Variants in KCNG4 observed in about 807,000 individuals in gnomAD.
KCNG4 encodes the protein potassium voltage-gated channel modifier subfamily G member 4, also known as voltage-gated potassium channel regulatory subunit KCNG4.
In KCNG4, 30 loss-of-function variants were observed where a neutral mutation model predicts 28.2. The ratio of observed to expected loss-of-function variants is 1.06; its 90% CI spans 0.80 to 1.44. The LOEUF is 1.44. Ranked by LOEUF, KCNG4 falls within the 40% of genes most tolerant of loss-of-function variation. The pLI, the probability that KCNG4 is intolerant of heterozygous loss-of-function variation, is 0.00. For missense variants in KCNG4, 879 were observed against 712.3 expected, an observed-to-expected ratio of 1.23 and a Z score of -2.66; for synonymous variants, 375 against 315.5, an observed-to-expected ratio of 1.19 and a Z score of -2.00.
intron 1 of KCNG4, among the ~76,000 whole-genome samples, chr16:84,238,572 A>C (rs376722591): frequency 6.6e-6 from 1 of 152,126 alleles, no homozygotes; most frequent in East Asian, 1.9e-4. Context: ...GCAGGCTTTT[A>C]TGTGCAGAAT....
At chr16:84,228,753 T>C (rs951448739) in intron 2 of KCNG4, among the ~76,000 whole-genome samples, 2 of 152,196 alleles carry the variant, frequency 1.3e-5, no homozygotes, top group East Asian at 3.9e-4. Flanking sequence ...CGTCTTCCCT[T>C]CTGTGAAGTG....
chr16:84,223,649 CA>C (rs1904631314), intron 2 of KCNG4, among the ~76,000 whole-genome samples: 1 of 152,046 alleles, frequency 6.6e-6, no homozygotes, highest in African/African-American at 2.4e-5. Flanking sequence ...TTTGATGGCC[CA>C]GGAAGTTGGT....
intron 2 of KCNG4, among the ~76,000 whole-genome samples, chr16:84,235,224 C>A (rs1049348876): frequency 1.3e-5 from 2 of 152,294 alleles, no homozygotes; most frequent in African/African-American, 4.8e-5. Flanking sequence ...CAACCGAAAT[C>A]CTGGCTCCTA....
At chr16:84,224,900 G>A (rs1212579306) in intron 2 of KCNG4, among the ~76,000 whole-genome samples, 1 of 152,180 alleles carries the variant, frequency 6.6e-6, no homozygotes, top group East Asian at 1.9e-4. Context: ...ATGTCTGCTT[G>A]TCTAGTTACA....
rs1395633445 is a variant in KCNG4, at chr16:84,226,030, G to A, written c.757-3010C>T. Reference sequence around the variant, plus strand: ...AAAAGTTTTCCTTTCTCCCTTTGTGGAAGTTCTGTGCTTAAACCCAGAAAG... The same window carrying A: ...AAAAGTTTTCCTTTCTCCCTTTGTGAAAGTTCTGTGCTTAAACCCAGAAAG... On this transcript the variant is annotated intron_variant, in intron 2 of 2. Coordinates refer to ENST00000308251, the MANE Select transcript of KCNG4 (RefSeq NM_172347.3). The surrounding 1 kb of genome is among the most constrained non-coding windows in gnomAD (Gnocchi z 4.1). Among the ~76,000 whole-genome samples, 1 of 152,236 alleles carries A rather than the reference G, an allele frequency of 6.6e-6. No individual in the cohort carries two copies. The highest frequency in any genetic ancestry group is 2.4e-5 in the African/African-American group (1 of 41,456).
chr16:84,231,930 G>T (rs1242606053), intron 2 of KCNG4, among the ~76,000 whole-genome samples: 1 of 151,418 alleles, frequency 6.6e-6, no homozygotes, highest in East Asian at 1.9e-4. Context: ...TTTGAACCCG[G>T]GAGGAGGAGG....
chr16:84,238,873 G>GA (rs1433374923), intron 1 of KCNG4, among the ~76,000 whole-genome samples: 3 of 149,618 alleles, frequency 2.0e-5, no homozygotes, highest in Non-Finnish European at 4.4e-5. Context: ...ATCTCAAAAA[G>GA]AAAAAAACAA....
chr16:84,236,386 A>C (rs1904948608), intron 2 of KCNG4: 2 of 415,616 alleles, frequency 4.8e-6, no homozygotes, highest in Non-Finnish European at 8.5e-6. Context: ...AGGCTCAGAG[A>C]GGAGGTGGCG....
In KCNG4 at chr16:84,222,499, G is replaced by A. The variant is rs1197710880; in HGVS notation, c.1278C>T (p.Pro426=). Residue 426 remains proline (P), a synonymous_variant, in exon 3 of 3, where the codon CCC becomes CCT. Transcript: ENST00000308251. ...MTTVGYGDMV[P]RSVPGQMVAL... Reference sequence around the variant, plus strand: ...CCACCATCTGGCCTGGCACACTGCGGGGCACCATGTCCCCGTAGCCCACCG... The same window carrying A: ...CCACCATCTGGCCTGGCACACTGCGAGGCACCATGTCCCCGTAGCCCACCG... 9 of 1,613,554 alleles carry A rather than the reference G, an allele frequency of 5.6e-6. No individual in the cohort carries two copies. Among genetic ancestry groups the A allele is most frequent in the East Asian group, 2.2e-5 (1 of 44,870 alleles).
intron 2 of KCNG4, among the ~76,000 whole-genome samples, chr16:84,223,926 G>C (rs922297619): frequency 6.6e-6 from 1 of 152,180 alleles, no homozygotes; most frequent in Non-Finnish European, 1.5e-5. Context: ...CTTGGGATGT[G>C]TGATTGCTGC....
At chr16:84,228,438 T>C (rs1904745461) in intron 2 of KCNG4, among the ~76,000 whole-genome samples, 1 of 151,864 alleles carries the variant, frequency 6.6e-6, no homozygotes, top group African/African-American at 2.4e-5. Context: ...TCTGAGGCTC[T>C]CCTGGGGCCT....
intron 2 of KCNG4, among the ~76,000 whole-genome samples, chr16:84,234,167 C>T (rs1042385542): frequency 6.6e-6 from 1 of 152,162 alleles, no homozygotes; most frequent in Non-Finnish European, 1.5e-5. Flanking sequence ...ACTGCCTCTT[C>T]CCTTCTCCAC....
chr16:84,236,552 A>AT, intron 2 of KCNG4, 178 bp downstream of exon 2: 3 of 845,696 alleles, frequency 3.5e-6, no homozygotes, highest in Non-Finnish European at 5.2e-6. Context: ...AAAAAAAAAA[A>AT]GATGGAAAAT....
rs112070672 is a variant in KCNG4, at chr16:84,220,915, A to G, written c.*1302T>C. 892 of 152,500 alleles carry G rather than the reference A, an allele frequency of 5.8e-3. 12 individuals carry two copies. Among genetic ancestry groups the G allele is most frequent in the African/African-American group, 0.02 (818 of 41,562 alleles). 9.4% of individuals were successfully genotyped at this position (152,500 alleles called of 1,614,324 possible). ...CACATCACTCTGCCCTCCATAAAGC[A>G]TTCAAGGCCCACGCCTTCTCAACCC... On this transcript the variant is annotated 3_prime_UTR_variant, in exon 3 of 3. Transcript: ENST00000308251.
In KCNG4 at chr16:84,222,427, G is replaced by A; in HGVS notation, c.1350C>T (p.Ala450=). The A allele has an allele frequency of 6.2e-7, 1 of 1,614,162 alleles. No individual in the cohort carries two copies. The highest frequency in any genetic ancestry group is 8.5e-7 in the Non-Finnish European group (1 of 1,180,030). Residue 450 remains alanine (A), a synonymous_variant, in exon 3 of 3, where the codon GCC becomes GCT. Transcript: ENST00000308251. Reference sequence around the variant, plus strand: ...GGGAGAAGGTGTGGAAGATAGACGTGGCCGGGAAGGCCATGATGAGGATCC... The same window carrying A: ...GGGAGAAGGTGTGGAAGATAGACGTAGCCGGGAAGGCCATGATGAGGATCC... The part of the protein sequence containing the change: ...LSGILIMAFP[A]TSIFHTFSHS...
intron 2 of KCNG4, among the ~76,000 whole-genome samples, chr16:84,234,824 A>C (rs796400723): frequency 3.9e-5 from 6 of 152,236 alleles, no homozygotes; most frequent in African/African-American, 9.6e-5. Flanking sequence ...CAGGAAGAGG[A>C]CATCATCCTT....
At chr16:84,231,725 CG>C (rs938401812) in intron 2 of KCNG4, among the ~76,000 whole-genome samples, 3 of 151,964 alleles carry the variant, frequency 2.0e-5, no homozygotes, top group Non-Finnish European at 4.4e-5. Context: ...GAGTCGGGGT[CG>C]GGCGTGGTGG....
intron 2 of KCNG4, among the ~76,000 whole-genome samples, chr16:84,227,242 G>GGT: frequency 6.6e-6 from 1 of 152,288 alleles, no homozygotes; most frequent in African/African-American, 2.4e-5. Context: ...TCCACTCCTA[G>GGT]GTGTATAGCT....
intron 2 of KCNG4, 104 bp from the exon 3 acceptor site, chr16:84,223,124 G>T (rs1258461087): frequency 1.7e-5 from 16 of 945,272 alleles, no homozygotes; most frequent in Non-Finnish European, 2.3e-5. Flanking sequence ...TGTAAACTTA[G>T]TCGTCCACCA....
Sources: allele counts gnomAD v4.1 joint callset (sites outside exome capture counted in the v4.1 genomes callset), GRCh38; gene constraint gnomAD v4.1.1; non-coding constraint Gnocchi (gnomAD v3.1); transcripts MANE v1.5; gene names NCBI Gene and HGNC (gene_info 2026-07-23, HGNC 2026-07-21).